Variants in VTI1A observed in about 807,000 individuals in gnomAD.
VTI1A encodes the protein vesicle transport through interaction with t-SNAREs 1A.
VTI1A carries 22 observed loss-of-function variants against 34.9 expected under a neutral mutation model. The ratio of observed to expected loss-of-function variants is 0.63; its 90% CI spans 0.45 to 0.90. The LOEUF is 0.90. VTI1A is among the 40% of genes least tolerant of loss of function. The pLI is 0.00. For synonymous variants in VTI1A, 87 were observed against 97.3 expected, an observed-to-expected ratio of 0.89 and a Z score of 0.62; for missense variants, 268 against 275.6, an observed-to-expected ratio of 0.97 and a Z score of 0.20.
chr10:112,703,145 AT>A (rs896975715), intron 7 of VTI1A, among the ~76,000 whole-genome samples: 1,606 of 151,398 alleles, frequency 0.011, 25 homozygotes, highest in African/African-American at 0.037. Flanking sequence ...TACTAGATGT[AT>A]TTTTTTTTCA....
chr10:112,589,654 G>A (rs1408646685), intron 5 of VTI1A, among the ~76,000 whole-genome samples: 1 of 152,162 alleles, frequency 6.6e-6, no homozygotes, highest in Non-Finnish European at 1.5e-5. Context: ...ACGGTTGCAA[G>A]TGCTCTACAT....
intron 7 of VTI1A, among the ~76,000 whole-genome samples, chr10:112,681,093 A>T (rs201962822): frequency 1.4e-4 from 16 of 116,788 alleles, no homozygotes; most frequent in Middle Eastern, 4.2e-3. Context: ...TTTTTTTTTT[A>T]AAGGGACAGG....
chr10:112,659,829 A>G (rs1847379250), intron 5 of VTI1A, among the ~76,000 whole-genome samples: 1 of 152,224 alleles, frequency 6.6e-6, no homozygotes. Context: ...TTTTAAAATA[A>G]TGTCATCAAG....
In VTI1A at chr10:112,817,295, A is replaced by G. The variant is rs1235178125; in HGVS notation, c.*1912A>G. On this transcript the variant is annotated 3_prime_UTR_variant, in exon 8 of 8. Transcript: ENST00000393077. ...ACGGCCATCCCGTCCACAATGCAGC[A>G]GACTCTTCCCAAGGCCACCTAGCAA... is the stretch of plus-strand genomic sequence containing the variant. 2 of 232,458 alleles carry G rather than the reference A, an allele frequency of 8.6e-6. No individual in the cohort carries two copies. The highest frequency in any genetic ancestry group is 2.2e-5 in the African/African-American group (1 of 45,342). The allele number at this position is 232,458 out of a possible 1,614,324, so 14.4% of individuals were successfully genotyped here. A position where few individuals can be genotyped will look rare whatever the true frequency, so the allele number is the denominator to read the frequency against.
At chr10:112,595,411 A>C (rs1344019232) in intron 5 of VTI1A, among the ~76,000 whole-genome samples, 2 of 151,764 alleles carry the variant, frequency 1.3e-5, no homozygotes, top group African/African-American at 4.8e-5. Flanking sequence ...CAACCTACTC[A>C]TCTGACAAAG....
intron 1 of VTI1A, among the ~76,000 whole-genome samples, chr10:112,456,708 G>C (rs577710800): frequency 6.6e-6 from 1 of 152,286 alleles, no homozygotes; most frequent in Admixed American, 6.5e-5. Context: ...TTCCAGTCTT[G>C]ATAGAACTGA....
intron 5 of VTI1A, among the ~76,000 whole-genome samples, chr10:112,574,511 A>T (rs1410182929): frequency 6.6e-6 from 1 of 152,234 alleles, no homozygotes; most frequent in South Asian, 2.1e-4. Context: ...TGGGAATCAA[A>T]TAGACCTGGA....
intron 5 of VTI1A, among the ~76,000 whole-genome samples, chr10:112,651,002 A>T (rs1192086325): frequency 6.6e-6 from 1 of 152,124 alleles, no homozygotes; most frequent in Non-Finnish European, 1.5e-5. Flanking sequence ...TTATTTTATA[A>T]ATTACTTCTT....
chr10:112,795,173 A>T lies in VTI1A; in HGVS notation c.561-20117A>T, dbSNP rs59162659. Among the ~76,000 whole-genome samples, 241 of 152,296 alleles carry T rather than the reference A, an allele frequency of 1.6e-3. 6 individuals are homozygous for T. In the East Asian group the frequency reaches 0.041, roughly 26 times the overall value. On this transcript the variant is annotated intron_variant, in intron 7 of 7. Transcript: ENST00000393077. The stretch of plus-strand genomic sequence containing the variant: ...GTTATTTTCCTCACTGTTGTATTGC[A>T]TGTGGTCTTTGACATCAGATCCGAT...
chr10:112,505,301 G>A (rs1849387613), intron 3 of VTI1A, among the ~76,000 whole-genome samples: 1 of 152,010 alleles, frequency 6.6e-6, no homozygotes, highest in African/African-American at 2.4e-5. Context: ...TATTCTCACT[G>A]GTTGTTTGTA....
intron 4 of VTI1A, among the ~76,000 whole-genome samples, chr10:112,528,693 T>C (rs139215047): frequency 2.0e-4 from 31 of 152,278 alleles, no homozygotes; most frequent in Middle Eastern, 3.4e-3. Context: ...AAAAACACTA[T>C]CTTTTTTGCA....
chr10:112,789,539 A>G (rs938460289), intron 7 of VTI1A, among the ~76,000 whole-genome samples: 1 of 152,124 alleles, frequency 6.6e-6, no homozygotes, highest in Non-Finnish European at 1.5e-5. Context: ...TTCTTCTTGG[A>G]TTCCCATTAC....
chr10:112,576,760 G>A (rs999362557), intron 5 of VTI1A, among the ~76,000 whole-genome samples: 1 of 152,044 alleles, frequency 6.6e-6, no homozygotes, highest in South Asian at 2.1e-4. Flanking sequence ...AATATGTACA[G>A]GGCTTTAGGC....
intron 1 of VTI1A, among the ~76,000 whole-genome samples, chr10:112,451,928 T>C (rs940739688): frequency 6.6e-6 from 1 of 152,276 alleles, no homozygotes; most frequent in African/African-American, 2.4e-5. Context: ...TTTAGATATA[T>C]GCAATTACGT....
intron 7 of VTI1A, among the ~76,000 whole-genome samples, chr10:112,789,229 TA>T (rs142809166): frequency 3.5e-5 from 4 of 115,474 alleles, no homozygotes; most frequent in South Asian, 2.6e-4. Flanking sequence ...GCAAGTCTAC[TA>T]AAAAAAATTC....
At chr10:112,581,242 C>G (rs1009712355) in intron 5 of VTI1A, among the ~76,000 whole-genome samples, 1 of 152,198 alleles carries the variant, frequency 6.6e-6, no homozygotes, top group East Asian at 1.9e-4. Flanking sequence ...CTGCATAGCC[C>G]TTTCTTTCAG....
chr10:112,589,066 G>A (rs1844277163), intron 5 of VTI1A, among the ~76,000 whole-genome samples: 2 of 139,652 alleles, frequency 1.4e-5, no homozygotes, highest in Admixed American at 7.5e-5. Context: ...TACAAATGTC[G>A]AAGATGTTAG....
intron 5 of VTI1A, among the ~76,000 whole-genome samples, chr10:112,663,658 G>T (rs1423860504): frequency 6.6e-6 from 1 of 152,228 alleles, no homozygotes; most frequent in Non-Finnish European, 1.5e-5. Flanking sequence ...TTCAGGGCAT[G>T]ATAGCTGAGT....
rs1212882521 is a variant in VTI1A at position 112,803,766 on chromosome 10, T to TA, written c.561-11516dup. On this transcript the variant is annotated intron_variant, in intron 7 of 7. Coordinates refer to ENST00000393077, the MANE Select transcript of VTI1A (RefSeq NM_145206.4). ...GGGTGACAGAGTGAGACCCTGTCTC[T>TA]AAAAAAAATAAAATAAAATGAAGAA... 2.6e-5 allele frequency among the ~76,000 whole-genome samples: 4 copies of TA among 152,094 alleles called. No homozygotes were observed. The East Asian group carries it at 5.8e-4, about 22-fold the overall frequency.
Sources: allele counts gnomAD v4.1 joint callset (sites outside exome capture counted in the v4.1 genomes callset), GRCh38; gene constraint gnomAD v4.1.1; transcripts MANE v1.5; gene names NCBI Gene and HGNC (gene_info 2026-07-23, HGNC 2026-07-21).